The following BFAR variants were observed in gnomAD, a reference collection of about 807,000 sequenced individuals.
The protein encoded by BFAR is RING finger protein 47.
BFAR carries 52 observed loss-of-function variants against 54.4 expected under a neutral mutation model. The observed-to-expected ratio is 0.96, with a 90% CI of 0.77 to 1.21. BFAR has a LOEUF of 1.21. Among genes scored for constraint, BFAR ranks in the 50% most tolerant of loss-of-function variants. The pLI is 0.00. For missense variants in BFAR, 571 were observed against 534.0 expected (o/e 1.07, Z -0.68); for synonymous variants, 215 against 204.3 (o/e 1.05, Z -0.45).
Position 14,648,532 on chromosome 16 carries a change from G to A in BFAR, c.408G>A (p.Ala136=), listed in dbSNP as rs375251653. 28 of 1,614,064 alleles carry A rather than the reference G, an allele frequency of 1.7e-5. No homozygotes were observed. Among genetic ancestry groups the A allele is most frequent in the South Asian group, 3.3e-5 (3 of 91,078 alleles). ...CTTTAGCTCCTAACACAGGCCGAGC[G>A]AATCAGCAGATGGGAGGGGGATTCT... The part of the protein sequence containing the change: ...QIPLAPNTGR[A]NQQMGGGFFS... The change falls in exon 3 of 8, where the codon GCG becomes GCA. Residue 136 remains alanine, a synonymous_variant. Transcript: ENST00000261658.
chr16:14,664,818 G>C (rs1283704780), intron 6 of BFAR, 51 bp from the exon 7 acceptor site: 2 of 1,533,224 alleles, frequency 1.3e-6, no homozygotes, highest in South Asian at 2.2e-5. Context: ...ACAATATTTT[G>C]TGTAAAAGTC....
chr16:14,639,313 C>T (rs1959550313), intron 1 of BFAR, among the ~76,000 whole-genome samples: 1 of 145,908 alleles, frequency 6.9e-6, no homozygotes, highest in South Asian at 2.2e-4. Context: ...GAAATAAGTT[C>T]TTTTTTTTTT....
chr16:14,639,659 A>G (rs1448771124), intron 1 of BFAR, among the ~76,000 whole-genome samples: 2 of 152,122 alleles, frequency 1.3e-5, no homozygotes, highest in African/African-American at 4.8e-5. Flanking sequence ...TCATTGGGAG[A>G]TTGTGTGTGT....
intron 3 of BFAR, among the ~76,000 whole-genome samples, chr16:14,649,586 G>C (rs1959905015): frequency 6.6e-6 from 1 of 152,132 alleles, no homozygotes; most frequent in Non-Finnish European, 1.5e-5. Flanking sequence ...TGCCCTCACT[G>C]CCACGCAATC....
chr16:14,665,988 C>G (rs998447775), intron 7 of BFAR, among the ~76,000 whole-genome samples: 3 of 152,194 alleles, frequency 2.0e-5, no homozygotes, highest in Non-Finnish European at 4.4e-5. Context: ...AGTACTGACT[C>G]TTTCTCTGTC....
At position 14,667,863 on chromosome 16, in the gene BFAR, C is replaced by G; in HGVS notation, c.*36C>G. On this transcript the variant is annotated 3_prime_UTR_variant, in exon 8 of 8. Coordinates refer to ENST00000261658, the MANE Select transcript of BFAR (RefSeq NM_016561.3). ...CCAGGCTGAGACTCTTCAAGTCCCG[C>G]TGACGTCTGAGCTTTGATGCTTAAG... is the stretch of plus-strand genomic sequence containing the variant. 1.9e-6 allele frequency: 3 copies of G among 1,588,474 alleles called. No homozygotes were observed. Among genetic ancestry groups the G allele is most frequent in the Non-Finnish European group, 2.6e-6 (3 of 1,158,186 alleles).
intron 4 of BFAR, among the ~76,000 whole-genome samples, chr16:14,650,787 A>G (rs1959946591): frequency 6.6e-6 from 1 of 152,216 alleles, no homozygotes; most frequent in African/African-American, 2.4e-5. Context: ...ATTATGAATA[A>G]TGATGCTATG....
chr16:14,661,811 C>A, intron 5 of BFAR, 81 bp from the exon 6 acceptor site: 3 of 1,494,708 alleles, frequency 2.0e-6, no homozygotes, highest in South Asian at 1.2e-5. Context: ...CTGATGGCAA[C>A]AAGCGAGAGA....
At chr16:14,642,078 G>T (rs1959645696) in intron 1 of BFAR, among the ~76,000 whole-genome samples, 1 of 152,180 alleles carries the variant, frequency 6.6e-6, no homozygotes, top group Non-Finnish European at 1.5e-5. Flanking sequence ...AGGCAGCCCA[G>T]CCATGGGACC....
intron 2 of BFAR, 79 bp downstream of exon 2, chr16:14,644,688 A>G (rs1283667581): frequency 1.5e-6 from 2 of 1,361,322 alleles, no homozygotes; most frequent in Non-Finnish European, 2.0e-6. Context: ...TTTTTTTTTA[A>G]CAGAGATGGC....
chr16:14,665,158 A>G, intron 7 of BFAR, 87 bp downstream of exon 7: 1 of 1,304,166 alleles, frequency 7.7e-7, no homozygotes, highest in Non-Finnish European at 1.1e-6. Context: ...CTCACACTTG[A>G]AATAAATCCT....
At chr16:14,646,552 G>A (rs752136828) in intron 2 of BFAR, among the ~76,000 whole-genome samples, 1 of 150,818 alleles carries the variant, frequency 6.6e-6, no homozygotes, top group Non-Finnish European at 1.5e-5. Flanking sequence ...GGGCTGGAGT[G>A]CATTGGCAAA....
chr16:14,638,228 T>A (rs565524851), intron 1 of BFAR, among the ~76,000 whole-genome samples: 3 of 152,130 alleles, frequency 2.0e-5, no homozygotes, highest in African/African-American at 4.8e-5. Context: ...ACAAAAAAAA[T>A]TTTAATTAGC....
intron 2 of BFAR, among the ~76,000 whole-genome samples, chr16:14,645,364 GAAT>G (rs1482505642): frequency 6.6e-6 from 1 of 152,106 alleles, no homozygotes; most frequent in African/African-American, 2.4e-5. Flanking sequence ...GTATAATTGT[GAAT>G]AACTGGTTTG....
intron 6 of BFAR, among the ~76,000 whole-genome samples, chr16:14,662,474 T>G (rs946316717): frequency 3.9e-5 from 6 of 152,158 alleles, no homozygotes; most frequent in African/African-American, 1.4e-4. Flanking sequence ...CACTTGCTGT[T>G]TACCTCACCA....
chr16:14,656,803 A>ACTAAGGAACAAAGTCCTGTAATCC (rs1960141595), intron 5 of BFAR, among the ~76,000 whole-genome samples: 1 of 152,084 alleles, frequency 6.6e-6, no homozygotes, highest in Admixed American at 6.6e-5. Flanking sequence ...ACTTTGTGTT[A>ACTAAGGAACAAAGTCCTGTAATCC]ATAAGGAACA....
intron 1 of BFAR, among the ~76,000 whole-genome samples, chr16:14,634,295 C>T (rs377136250): frequency 2.0e-5 from 3 of 152,372 alleles, no homozygotes; most frequent in East Asian, 3.9e-4. Flanking sequence ...GTTTTCTCAA[C>T]ATCCAGCCTG....
intron 1 of BFAR, among the ~76,000 whole-genome samples, chr16:14,642,541 CTTA>C (rs1230897443): frequency 6.6e-6 from 1 of 152,096 alleles, no homozygotes; most frequent in Non-Finnish European, 1.5e-5. Context: ...TTGTCATTTG[CTTA>C]TTAGTAATAT....
At position 14,644,602 on chromosome 16, in the gene BFAR, C is replaced by G. The variant is rs766126868; in HGVS notation, c.256C>G (p.Leu86Val). 3.7e-6 allele frequency: 6 copies of G among 1,612,480 alleles called. No individual in the cohort carries two copies. The Admixed American group carries it at 1.0e-4, about 27-fold the overall frequency. ...KWEGFPKVSI[L>V]LRDAIEKLFP... ...GGAAGGTTTCCCCAAAGTCAGTATT[C>G]TCCTCAGGTAATGTTCAGCCTATAT... is the stretch of plus-strand genomic sequence containing the variant. Residue 86 changes from leucine (L) to valine (V), a missense_variant, in exon 2 of 8, where the codon CTC becomes GTC. Physicochemically the swap from Leu to Val is conservative, Grantham distance 32 (BLOSUM62 1). Coordinates refer to ENST00000261658, the MANE Select transcript of BFAR (RefSeq NM_016561.3).
Sources: gnomAD v4.1 joint callset for allele counts (sites outside exome capture counted in the v4.1 genomes callset) on GRCh38, gnomAD v4.1.1 for gene constraint, MANE v1.5 for transcripts, NCBI Gene and HGNC (gene_info 2026-07-23, HGNC 2026-07-21) for gene names.